The following TRABD2B variants were observed in gnomAD, a reference collection of about 807,000 sequenced individuals.
TRABD2B encodes the protein metalloprotease TIKI2.
TRABD2B carries 14 observed loss-of-function variants against 40.1 expected under a neutral mutation model. The ratio of observed to expected loss-of-function variants is 0.35; its 90% confidence interval spans 0.23 to 0.55. The LOEUF (loss-of-function observed/expected upper bound fraction) is 0.55. Ranked by LOEUF, TRABD2B falls within the 20% of genes least tolerant of loss-of-function variation. TRABD2B has a pLI of 0.90. For missense variants in TRABD2B, 541 were observed against 648.6 expected (o/e 0.83, Z 1.80); for synonymous variants, 263 against 277.0 (o/e 0.95, Z 0.50).
At chr1:47,861,834 T>C (rs1643977475) in intron 2 of TRABD2B, among the ~76,000 whole-genome samples, 1 of 152,118 alleles carries the variant, frequency 6.6e-6, no homozygotes, top group African/African-American at 2.4e-5. Context: ...AGACCAATAT[T>C]TTTCATGAAT....
chr1:47,846,614 G>GAAGGC, intron 2 of TRABD2B, among the ~76,000 whole-genome samples: 1 of 152,268 alleles, frequency 6.6e-6, no homozygotes, highest in South Asian at 2.1e-4. Context: ...AGGTCTCAGG[G>GAAGGC]AAGGCAAGGC....
intron 4 of TRABD2B, among the ~76,000 whole-genome samples, chr1:47,783,786 C>A (rs925687029): frequency 6.6e-6 from 1 of 152,224 alleles, no homozygotes; most frequent in Non-Finnish European, 1.5e-5. Context: ...ATCTACCCCG[C>A]CTCCCATCAG....
chr1:47,977,545 T>C (rs1645774600), intron 2 of TRABD2B, among the ~76,000 whole-genome samples: 1 of 152,100 alleles, frequency 6.6e-6, no homozygotes, highest in Non-Finnish European at 1.5e-5. Flanking sequence ...ATCTCCATTT[T>C]ATATACGTGA....
intron 2 of TRABD2B, among the ~76,000 whole-genome samples, chr1:47,884,905 T>C (rs1260649231): frequency 6.6e-6 from 1 of 152,146 alleles, no homozygotes; most frequent in Non-Finnish European, 1.5e-5. Flanking sequence ...TGTGAGCCAA[T>C]GCACCTAGCC....
chr1:47,820,773 TCA>T (rs995815061), intron 2 of TRABD2B, among the ~76,000 whole-genome samples: 16 of 108,872 alleles, frequency 1.5e-4, no homozygotes, highest in Admixed American at 9.3e-4. Context: ...ACTGAGAAGT[TCA>T]CACACACCAC....
chr1:47,940,751 G>C (rs1430363096), intron 2 of TRABD2B, among the ~76,000 whole-genome samples: 1 of 152,218 alleles, frequency 6.6e-6, no homozygotes, highest in Non-Finnish European at 1.5e-5. Flanking sequence ...ATAAAACCCA[G>C]GGACAGAGGC....
Position 47,994,286 on chromosome 1 carries a change from G to T in TRABD2B, c.414C>A (p.Pro138=), listed in dbSNP as rs557048813. Residue 138 remains proline, a synonymous_variant, in exon 2 of 7, where the codon CCC becomes CCA. Coordinates refer to ENST00000606738, the MANE Select transcript of TRABD2B (RefSeq NM_001194986.2). This position sits in a 1 kb window ranked among gnomAD's most constrained non-coding sequence, Gnocchi z 6.7. ...CATAGAGCCCCTTGCCCCGCTGAGC[G>T]GGCGTCATCCAGGAGGGCATCATCA... ...VKLMMPSWMT[P]AQRGKGLYAD... The T allele has an allele frequency of 6.5e-7, 1 of 1,536,644 alleles. No individual in the cohort carries two copies.
intron 6 of TRABD2B, among the ~76,000 whole-genome samples, chr1:47,766,545 C>T (rs546118889): frequency 8.8e-4 from 134 of 152,338 alleles, no homozygotes; most frequent in African/African-American, 3.0e-3. Context: ...AACCCCACCG[C>T]GTTCCCTGCC....
At position 47,915,919 on chromosome 1, in the gene TRABD2B, G is replaced by A. The variant is rs140167969; in HGVS notation, c.666+78115C>T. ...GCGTAGCCATGGCTGACAGGTCTCC[G>A]GGAGACACCTGTTTTTCATTGCTGG... On this transcript the variant is annotated intron_variant, in intron 2 of 6. Coordinates refer to ENST00000606738, the MANE Select transcript of TRABD2B (RefSeq NM_001194986.2). Among the ~76,000 whole-genome samples the A allele has an allele frequency of 7.6e-3, 1,164 of 152,298 alleles. 26 individuals are homozygous for A. The highest frequency in any genetic ancestry group is 0.027 in the African/African-American group (1,126 of 41,552).
At chr1:47,812,396 C>T (rs1343808726) in intron 2 of TRABD2B, among the ~76,000 whole-genome samples, 5 of 152,188 alleles carry the variant, frequency 3.3e-5, no homozygotes, top group African/African-American at 1.2e-4. Flanking sequence ...TCACAGGCTT[C>T]AGCTGGGCTG....
At chr1:47,968,067 C>T (rs17103966) in intron 2 of TRABD2B, among the ~76,000 whole-genome samples, 11,176 of 152,242 alleles carry the variant, frequency 0.073, 475 homozygotes, top group African/African-American at 0.11. Context: ...TGGTGGGCAC[C>T]ACCCTAGCTG....
rs150013840 is a variant in TRABD2B, at chr1:47,778,860, C to T, written c.989-316G>A. On this transcript the variant is annotated intron_variant, in intron 4 of 6. Coordinates refer to ENST00000606738, the MANE Select transcript of TRABD2B (RefSeq NM_001194986.2). ...GGATTATAAAAAACAGCTACCTGCA[C>T]GTAGTAAGGGCTCTCCGTGCTTCCC... 1.1e-3 allele frequency among the ~76,000 whole-genome samples: 162 copies of T among 152,320 alleles called. 1 individual carries two copies. The highest frequency in any genetic ancestry group is 3.4e-3 in the African/African-American group (142 of 41,568).
At chr1:47,844,894 T>C (rs7555313) in intron 2 of TRABD2B, among the ~76,000 whole-genome samples, 50,496 of 151,996 alleles carry the variant, frequency 0.33, 8,638 homozygotes, top group Non-Finnish European at 0.37. Context: ...CACAGACTGA[T>C]GGGCCCCTGT....
chr1:47,923,884 C>G (rs532412241), intron 2 of TRABD2B, among the ~76,000 whole-genome samples: 11 of 150,540 alleles, frequency 7.3e-5, no homozygotes, highest in African/African-American at 2.2e-4. Context: ...AAATCAATCT[C>G]TCTCTCTCAC....
At chr1:47,841,158 T>C (rs1002666139) in intron 2 of TRABD2B, among the ~76,000 whole-genome samples, 1 of 152,200 alleles carries the variant, frequency 6.6e-6, no homozygotes, top group Admixed American at 6.5e-5. Context: ...TCTCTCTCTG[T>C]GACTCTCTCT....
intron 2 of TRABD2B, among the ~76,000 whole-genome samples, chr1:47,877,172 A>G (rs760531020): frequency 5.3e-5 from 8 of 151,722 alleles, no homozygotes; most frequent in African/African-American, 1.2e-4. Flanking sequence ...CCAAAGGACT[A>G]GAAGTCAGCT....
At chr1:47,990,773 A>ATATT (rs1645993719) in intron 2 of TRABD2B, among the ~76,000 whole-genome samples, 1 of 3,052 alleles carries the variant, frequency 3.3e-4, no homozygotes, top group Admixed American at 3.3e-3. Context: ...CGTTGGTTTT[A>ATATT]TATATATATA....
intron 2 of TRABD2B, among the ~76,000 whole-genome samples, chr1:47,896,656 C>T (rs1644526297): frequency 6.6e-6 from 1 of 152,144 alleles, no homozygotes; most frequent in Non-Finnish European, 1.5e-5. Flanking sequence ...TGTGATCTGC[C>T]CACGAGCTGA....
intron 2 of TRABD2B, among the ~76,000 whole-genome samples, chr1:47,985,790 C>T (rs1645910845): frequency 6.6e-6 from 1 of 152,178 alleles, no homozygotes; most frequent in African/African-American, 2.4e-5. Context: ...ATCTGATGAC[C>T]ATGGATAAAA....
Sources: gnomAD v4.1 joint callset for allele counts (sites outside exome capture counted in the v4.1 genomes callset) on GRCh38, gnomAD v4.1.1 for gene constraint, Gnocchi (gnomAD v3.1) non-coding constraint, MANE v1.5 for transcripts, NCBI Gene and HGNC (gene_info 2026-07-23, HGNC 2026-07-21) for gene names.